Variants in C3orf20 observed in about 807,000 individuals in gnomAD.
C3orf20 encodes family with sequence similarity 149 member C, also known as uncharacterized protein C3orf20.
In C3orf20, 76 loss-of-function variants were observed where a neutral mutation model predicts 88.3. The observed-to-expected ratio is 0.86, with a 90% CI of 0.72 to 1.04. The LOEUF (loss-of-function observed/expected upper bound fraction) is 1.04. Among genes scored for constraint, C3orf20 ranks in the 50% least tolerant of loss-of-function variants. The pLI, the probability that C3orf20 is intolerant of heterozygous loss-of-function variation, is 0.00. For missense variants in C3orf20, 1,056 were observed against 1,123.3 expected (o/e 0.94, Z 0.86); for synonymous variants, 436 against 437.4 (o/e 1.00, Z 0.04).
At chr3:14,740,014 T>C (rs1434900895) in intron 12 of C3orf20, among the ~76,000 whole-genome samples, 1 of 152,242 alleles carries the variant, frequency 6.6e-6, no homozygotes, top group Non-Finnish European at 1.5e-5. Flanking sequence ...GCAATAAGGC[T>C]GTTTTGCTGT....
intron 4 of C3orf20, among the ~76,000 whole-genome samples, chr3:14,685,689 C>G (rs1373451939): frequency 6.6e-6 from 1 of 152,106 alleles, no homozygotes; most frequent in Non-Finnish European, 1.5e-5. Context: ...CCTCCAGTCC[C>G]TGTCAACCAC....
intron 12 of C3orf20, among the ~76,000 whole-genome samples, chr3:14,749,879 C>T (rs977510570): frequency 3.3e-5 from 5 of 152,044 alleles, no homozygotes; most frequent in Non-Finnish European, 7.4e-5. Context: ...CGTACAGCTT[C>T]CTTCCCACCT....
intron 12 of C3orf20, among the ~76,000 whole-genome samples, chr3:14,740,541 G>A (rs1240974412): frequency 4.6e-5 from 7 of 152,092 alleles, no homozygotes; most frequent in Non-Finnish European, 1.0e-4. Context: ...ACATGCTATT[G>A]GAAAAATGAT....
intron 4 of C3orf20, among the ~76,000 whole-genome samples, chr3:14,689,677 C>T (rs536899400): frequency 1.3e-5 from 2 of 152,040 alleles, no homozygotes; most frequent in Admixed American, 6.5e-5. Flanking sequence ...ATCCTCTTGA[C>T]CTGGTGCAGC....
rs752452739 is a variant in C3orf20 at position 14,761,591 on chromosome 3, T to G, written c.2471T>G (p.Phe824Cys). 2.8e-5 allele frequency: 46 copies of G among 1,614,090 alleles called. No homozygotes were observed. The highest frequency in any genetic ancestry group is 3.9e-5 in the Non-Finnish European group (46 of 1,180,034). The part of the protein sequence containing the change: ...RSQQDYKMGY[F>C]LPDDYKFSVP... ...CAACAGGATTACAAGATGGGCTACT[T>G]CCTGCCGGATGACTACAAATTCAGG... The change falls in exon 15 of 17, where the codon TTC (phenylalanine) becomes TGC (cysteine). Residue 824 changes from phenylalanine (F) to cysteine (C), a missense_variant. Coordinates refer to ENST00000253697, the MANE Select transcript of C3orf20 (RefSeq NM_032137.5).
chr3:14,753,423 C>T (rs1177447067), intron 12 of C3orf20, among the ~76,000 whole-genome samples: 1 of 152,174 alleles, frequency 6.6e-6, no homozygotes, highest in African/African-American at 2.4e-5. Flanking sequence ...ACCAACATGG[C>T]ACATGTATAC....
chr3:14,728,686 C>A lies in C3orf20; in HGVS notation c.1938C>A (p.Ser646=). The A allele has an allele frequency of 6.2e-7, 1 of 1,613,104 alleles. No homozygotes were observed. Reference sequence around the variant, plus strand: ...TCCACACCAAAGCCAAGGTCACATCCAGGTTGGCTTGGTCCTTCACGTCTT... The same window carrying A: ...TCCACACCAAAGCCAAGGTCACATCAAGGTTGGCTTGGTCCTTCACGTCTT... ...TKIHTKAKVT[S]RGKAREGRSP... is the part of the protein sequence containing the mutation. The change falls in exon 12 of 17, where the codon TCC becomes TCA. Residue 646 remains serine, a splice_region_variant and synonymous_variant. Transcript: ENST00000253697.
chr3:14,682,672 T>A lies in C3orf20; in HGVS notation c.-42T>A. On this transcript the variant is annotated 5_prime_UTR_variant, in exon 3 of 17. Transcript: ENST00000253697. The stretch of plus-strand genomic sequence containing the variant: ...CGTAGGGAAGAACTTTTGCTCTCAG[T>A]CACCTCTCAGAGAGCTCTCTTTATA... 1 of 1,554,306 alleles carries A rather than the reference T, an allele frequency of 6.4e-7. No homozygotes were observed. The highest frequency in any genetic ancestry group is 8.7e-7 in the Non-Finnish European group (1 of 1,151,908).
chr3:14,677,449 C>G (rs2031831757), intron 1 of C3orf20, among the ~76,000 whole-genome samples: 1 of 152,122 alleles, frequency 6.6e-6, no homozygotes, highest in Non-Finnish European at 1.5e-5. Flanking sequence ...TGGGTCTGTG[C>G]CTTTTTATAC....
intron 15 of C3orf20, among the ~76,000 whole-genome samples, chr3:14,764,085 T>A (rs1251194799): frequency 6.6e-6 from 1 of 151,820 alleles, no homozygotes; most frequent in Non-Finnish European, 1.5e-5. Flanking sequence ...ACACATTAGA[T>A]TCCTGCACTT....
chr3:14,721,640 T>C lies in C3orf20; in HGVS notation c.1435-13T>C. On this transcript the variant is annotated splice_polypyrimidine_tract_variant and intron_variant, in intron 9 of 16. Transcript: ENST00000253697. Reference sequence around the variant, plus strand: ...AAGCAGGGATTCTCTGAGTACTGTTTCTTCATCTACAGGTGAATGAGGAAA... The same window carrying C: ...AAGCAGGGATTCTCTGAGTACTGTTCCTTCATCTACAGGTGAATGAGGAAA... The C allele has an allele frequency of 6.2e-7, 1 of 1,613,898 alleles. No homozygotes were observed. The highest frequency in any genetic ancestry group is 1.1e-5 in the South Asian group (1 of 91,026).
chr3:14,738,348 A>G (rs1306262047), intron 12 of C3orf20, among the ~76,000 whole-genome samples: 3 of 139,574 alleles, frequency 2.1e-5, no homozygotes, highest in Non-Finnish European at 3.1e-5. Context: ...TTTTTTTTTT[A>G]GATGGAGTCT....
At chr3:14,684,043 G>A (rs1462924685) in intron 3 of C3orf20, among the ~76,000 whole-genome samples, 199 bp from the exon 4 acceptor site, 2 of 152,066 alleles carry the variant, frequency 1.3e-5, no homozygotes, top group African/African-American at 4.8e-5. Context: ...AGAGAGACAG[G>A]CAAAGGGAGG....
intron 12 of C3orf20, among the ~76,000 whole-genome samples, chr3:14,746,692 T>C (rs1015580326): frequency 4.6e-5 from 7 of 152,146 alleles, no homozygotes; most frequent in South Asian, 2.1e-4. Context: ...CTAGACACAA[T>C]TGAGCAACAA....
chr3:14,689,015 C>T (rs954579907), intron 4 of C3orf20, among the ~76,000 whole-genome samples: 1 of 152,056 alleles, frequency 6.6e-6, no homozygotes, highest in Admixed American at 6.5e-5. Context: ...CAACTTTATG[C>T]ACCTGGCTTC....
At chr3:14,767,605 T>C (rs916392920) in intron 15 of C3orf20, among the ~76,000 whole-genome samples, 7 of 152,216 alleles carry the variant, frequency 4.6e-5, no homozygotes, top group Non-Finnish European at 1.0e-4. Context: ...ATGTGCCCTG[T>C]GAACTGCAAA....
At chr3:14,709,222 A>T (rs2033645375) in intron 7 of C3orf20, among the ~76,000 whole-genome samples, 1 of 152,120 alleles carries the variant, frequency 6.6e-6, no homozygotes, top group South Asian at 2.1e-4. Flanking sequence ...TTGTATCTGT[A>T]ACTTTTCTAA....
rs1327394176 is a variant in C3orf20 at position 14,701,620 on chromosome 3, C to T, written c.746-1510C>T. 1.3e-5 allele frequency among the ~76,000 whole-genome samples: 2 copies of T among 152,190 alleles called. No individual in the cohort carries two copies. The highest frequency in any genetic ancestry group is 2.9e-5 in the Non-Finnish European group (2 of 68,030). On this transcript the variant is annotated intron_variant, in intron 5 of 16. Transcript: ENST00000253697. This position sits in a 1 kb window ranked among gnomAD's most constrained non-coding sequence, Gnocchi z 4.6. ...ATGCAGATCATTGTCATCCGGTCTG[C>T]AGAGACTCAGATGACAGTGATCTGT...
At chr3:14,706,303 C>T (rs561983622) in intron 7 of C3orf20, among the ~76,000 whole-genome samples, 17 of 152,174 alleles carry the variant, frequency 1.1e-4, no homozygotes, top group African/African-American at 2.6e-4. Flanking sequence ...CTGACTCCTT[C>T]GAGAGCCGCT....
Sources: gnomAD v4.1 joint callset for allele counts (sites outside exome capture counted in the v4.1 genomes callset) on GRCh38, gnomAD v4.1.1 for gene constraint, Gnocchi (gnomAD v3.1) non-coding constraint, MANE v1.5 for transcripts, NCBI Gene and HGNC (gene_info 2026-07-23, HGNC 2026-07-21) for gene names.